Variants in PET117 observed in about 807,000 individuals in gnomAD.
PET117 encodes the protein PET117 cytochrome c oxidase chaperone.
Under a neutral mutation model 9.2 loss-of-function variants are expected in PET117, and 10 were observed. The ratio of observed to expected loss-of-function variants is 1.09; its 90% confidence interval spans 0.67 to 1.85. The LOEUF (loss-of-function observed/expected upper bound fraction) is 1.85, where lower values mean the gene tolerates loss of function less well. PET117 is among the 40% of genes most tolerant of loss of function. The pLI, the probability that PET117 is intolerant of heterozygous loss-of-function variation, is 0.00. For missense variants in PET117, 96 were observed against 98.2 expected, an observed-to-expected ratio of 0.98 and a Z score of 0.09; for synonymous variants, 43 against 37.1, an observed-to-expected ratio of 1.16 and a Z score of -0.57.
chr20:18,141,699 C>T (rs544490452), intron 1 of PET117, among the ~76,000 whole-genome samples: 37 of 152,268 alleles, frequency 2.4e-4, no homozygotes, highest in African/African-American at 6.5e-4. Flanking sequence ...GCTTGGCTGA[C>T]GTGGTGAAAC....
At chr20:18,138,998 C>T (rs1193042549) in intron 1 of PET117, among the ~76,000 whole-genome samples, 3 of 152,200 alleles carry the variant, frequency 2.0e-5, no homozygotes, top group Non-Finnish European at 4.4e-5. Flanking sequence ...AAATAATGGA[C>T]TGGATGAATC....
At chr20:18,138,811 G>A (rs989134090) in intron 1 of PET117, among the ~76,000 whole-genome samples, 1 of 152,064 alleles carries the variant, frequency 6.6e-6, no homozygotes. Flanking sequence ...GACCTTTAAT[G>A]GGTGATTACT....
intron 1 of PET117, among the ~76,000 whole-genome samples, chr20:18,140,104 G>T (rs1010836272): frequency 6.6e-6 from 1 of 152,112 alleles, no homozygotes; most frequent in Admixed American, 6.5e-5. Context: ...ATAAGCACAC[G>T]TGACATCTCT....
At chr20:18,138,272 A>G in intron 1 of PET117, 1 of 1,222,884 alleles carries the variant, frequency 8.2e-7, no homozygotes, top group Non-Finnish European at 1.0e-6. Context: ...CAGATTCAGG[A>G]CGACCCGGCT....
intron 1 of PET117, among the ~76,000 whole-genome samples, chr20:18,139,611 T>A (rs2037443841): frequency 6.7e-6 from 1 of 149,920 alleles, no homozygotes; most frequent in Non-Finnish European, 1.5e-5. Context: ...ATTTGGAAGT[T>A]AGAGCTGAAG....
rs367976940 is a variant in PET117, at chr20:18,141,176, C to T, written c.97-1032C>T. Among the ~76,000 whole-genome samples, 7 of 151,870 alleles carry T rather than the reference C, an allele frequency of 4.6e-5. No individual in the cohort carries two copies. The East Asian group carries it at 5.8e-4, about 13-fold the overall frequency. ...CTGGGATTACAGGAGTGAGCCACCA[C>T]GCCTGGCCTAAAACCTTTAGAGTAT... On this transcript the variant is annotated intron_variant, in intron 1 of 1. Transcript: ENST00000432901.
At chr20:18,138,273 C>G in intron 1 of PET117, 7 of 1,221,262 alleles carry the variant, frequency 5.7e-6, no homozygotes, top group Non-Finnish European at 7.1e-6. Flanking sequence ...AGATTCAGGA[C>G]GACCCGGCTG....
In PET117 at chr20:18,142,744, G is replaced by A; in HGVS notation, c.*387G>A. On this transcript the variant is annotated 3_prime_UTR_variant, in exon 2 of 2. Coordinates refer to ENST00000432901, the MANE Select transcript of PET117 (RefSeq NM_001164811.2). ...GAACATCGACCTCAGAAGGACTGGAGGAAGGTGAAGTGGAGGGAGAGACGC... is the reference window on the plus strand; with the variant it reads ...GAACATCGACCTCAGAAGGACTGGAAGAAGGTGAAGTGGAGGGAGAGACGC... 6.2e-7 allele frequency: 1 copy of A among 1,614,220 alleles called. No individual in the cohort carries two copies. Among genetic ancestry groups the A allele is most frequent in the Non-Finnish European group, 8.5e-7 (1 of 1,180,036 alleles).
chr20:18,138,594 T>A, intron 1 of PET117: 1 of 350,050 alleles, frequency 2.9e-6, no homozygotes, highest in South Asian at 1.1e-4. Flanking sequence ...TCTCCATGCC[T>A]TTGACCAAGA....
At chr20:18,141,552 G>A (rs566129522) in intron 1 of PET117, among the ~76,000 whole-genome samples, 2 of 152,236 alleles carry the variant, frequency 1.3e-5, no homozygotes, top group African/African-American at 4.8e-5. Context: ...GTAGTAACTC[G>A]CCAAGTTTTT....
chr20:18,138,470 A>C, intron 1 of PET117: 1 of 989,844 alleles, frequency 1.0e-6, no homozygotes. Context: ...CTTGGGGTGC[A>C]TTCTGCAAGC....
intron 1 of PET117, 21 bp from the exon 2 acceptor site, chr20:18,142,187 A>G (rs2037612591): frequency 1.3e-6 from 2 of 1,534,354 alleles, no homozygotes; most frequent in Non-Finnish European, 1.7e-6. Flanking sequence ...TGTTACTGAA[A>G]TCTGTTTCTT....
At chr20:18,140,922 A>G (rs541176138) in intron 1 of PET117, among the ~76,000 whole-genome samples, 5 of 149,844 alleles carry the variant, frequency 3.3e-5, no homozygotes, top group African/African-American at 9.8e-5. Context: ...AAGTGGCACA[A>G]TCTTAGCTCA....
intron 1 of PET117, among the ~76,000 whole-genome samples, chr20:18,140,486 A>G (rs1392786494): frequency 6.6e-6 from 1 of 152,086 alleles, no homozygotes; most frequent in Non-Finnish European, 1.5e-5. Flanking sequence ...CCCCACTCCC[A>G]TTAATTCTAC....
intron 1 of PET117, chr20:18,138,287 G>C (rs2037378060): frequency 8.3e-7 from 1 of 1,209,738 alleles, no homozygotes; most frequent in African/African-American, 1.6e-5. Flanking sequence ...CCGGCTGCCC[G>C]GCTTAGCGCC....
chr20:18,142,271 CT>C lies in PET117; in HGVS notation c.164del (p.Leu55TrpfsTer7), dbSNP rs1033069660. 2 of 1,537,004 alleles carry C rather than the reference CT, an allele frequency of 1.3e-6. No individual in the cohort carries two copies. The highest frequency in any genetic ancestry group is 1.4e-5 in the African/African-American group (1 of 73,028). ...AATTCGGAAAAAAGAAAACATTCGT[CT>C]TTTGGGAGAACAGATTATTTTGACT... ...RQIRKKENIR[L>X]LGEQIILTEQ... On this transcript the variant is annotated frameshift_variant, in exon 2 of 2. Transcript: ENST00000432901. LOFTEE classifies it high-confidence loss of function.
intron 1 of PET117, 105 bp downstream of exon 1, chr20:18,138,156 T>C: frequency 7.5e-7 from 1 of 1,332,966 alleles, no homozygotes. Flanking sequence ...TTCGTGTCTT[T>C]CCCCCGCGGT....
In PET117 at chr20:18,139,633, C is replaced by CGTGTGTGTGTGTGTGTGTGTGT. The variant is rs71194228; in HGVS notation, c.96+1603_96+1624dup. Among the ~76,000 whole-genome samples, 8 of 141,722 alleles carry CGTGTGTGTGTGTGTGTGTGTGT rather than the reference C, an allele frequency of 5.6e-5. No individual in the cohort carries two copies. In the East Asian group the frequency reaches 1.0e-3, roughly 18 times the overall value. The allele number at this position is 141,722 out of a possible 152,430, so 93.0% of individuals were successfully genotyped here. Reference sequence around the variant, plus strand: ...AGTTAGAGCTGAAGAACCAAAATAACGTGTGTGTGTGTGTGTGTGTGTGTG... The same window carrying CGTGTGTGTGTGTGTGTGTGTGT: ...AGTTAGAGCTGAAGAACCAAAATAACGTGTGTGTGTGTGTGTGTGTGTGTGTGTGTGTGTGTGTGTGTGTGTG... On this transcript the variant is annotated intron_variant, in intron 1 of 1. Transcript: ENST00000432901.
At chr20:18,138,348 A>G in intron 1 of PET117, 1 of 1,097,710 alleles carries the variant, frequency 9.1e-7, no homozygotes, top group Non-Finnish European at 1.1e-6. Flanking sequence ...ACGGCACGCA[A>G]GCTTTTGGGG....
Sources: gnomAD v4.1 joint callset for allele counts (sites outside exome capture counted in the v4.1 genomes callset) on GRCh38, gnomAD v4.1.1 for gene constraint, MANE v1.5 for transcripts, NCBI Gene and HGNC (gene_info 2026-07-23, HGNC 2026-07-21) for gene names.